The following TAS2R1 variants were observed in gnomAD, a reference collection of about 807,000 sequenced individuals.
The protein encoded by TAS2R1 is taste receptor type 2 member 1.
For synonymous variants in TAS2R1, 141 were observed against 134.2 expected (o/e 1.05, Z -0.35); for missense variants, 370 against 353.4 (o/e 1.05, Z -0.38).
the TAS2R1 span, among the ~76,000 whole-genome samples, chr5:9,861,371 AAT>A: frequency 6.6e-6 from 1 of 152,186 alleles, no homozygotes; most frequent in African/African-American, 2.4e-5. Context: ...ATTAGAACAT[AAT>A]ATCACTGACG....
chr5:9,857,346 T>C, the TAS2R1 span, among the ~76,000 whole-genome samples: 1 of 152,228 alleles, frequency 6.6e-6, no homozygotes, highest in Admixed American at 6.5e-5. Flanking sequence ...TTTAAGGTGA[T>C]GGATATCTCA....
chr5:9,820,396 ATTAT>A, the TAS2R1 span, among the ~76,000 whole-genome samples: 1 of 152,338 alleles, frequency 6.6e-6, no homozygotes, highest in Admixed American at 6.5e-5. Context: ...TCATTGTGGA[ATTAT>A]TTATTATAAC....
At chr5:9,639,072 C>T (rs528950687) in intron 2 of TAS2R1, among the ~76,000 whole-genome samples, 1 of 152,210 alleles carries the variant, frequency 6.6e-6, no homozygotes, top group Non-Finnish European at 1.5e-5. Flanking sequence ...GGCAGCAGCT[C>T]CTGTGCTTGC....
chr5:9,718,403 A>G, the TAS2R1 span, among the ~76,000 whole-genome samples: 3 of 152,204 alleles, frequency 2.0e-5, no homozygotes, highest in African/African-American at 4.8e-5. Flanking sequence ...CTACAGAAAA[A>G]TGGGCAAACA....
Position 9,644,462 on chromosome 5 carries a change from C to T in TAS2R1, c.-80-14470G>A, listed in dbSNP as rs1332950816. 2.0e-5 allele frequency among the ~76,000 whole-genome samples: 3 copies of T among 151,962 alleles called. No homozygotes were observed. In the East Asian group the frequency reaches 5.8e-4, roughly 29 times the overall value. ...TCAAGAAATACTCTTGGGTCATTGG[C>T]ATTATCCCCTGGTGAGCAATGGAGC... On this transcript the variant is annotated intron_variant, in intron 2 of 2. Transcript: ENST00000506620.
the TAS2R1 span, among the ~76,000 whole-genome samples, chr5:9,873,292 G>A: frequency 6.6e-6 from 1 of 152,048 alleles, no homozygotes; most frequent in Non-Finnish European, 1.5e-5. Flanking sequence ...GACTGACAGT[G>A]CTAAAAGGCT....
the TAS2R1 span, among the ~76,000 whole-genome samples, chr5:9,855,954 G>T: frequency 6.6e-6 from 1 of 151,742 alleles, no homozygotes; most frequent in Non-Finnish European, 1.5e-5. Context: ...CTTTTACAAT[G>T]TGTTTTCTAG....
chr5:9,902,641 T>C, the TAS2R1 span: 1 of 152,008 alleles, frequency 6.6e-6, no homozygotes, highest in African/African-American at 2.4e-5. Context: ...ATACTAAAAA[T>C]CACAACTTAC....
the TAS2R1 span, among the ~76,000 whole-genome samples, chr5:9,824,664 T>C: frequency 9.9e-5 from 15 of 151,884 alleles, no homozygotes; most frequent in Admixed American, 7.9e-4. Flanking sequence ...CTGGCCAACA[T>C]AGTGAAACCC....
chr5:9,796,737 AAAG>A, the TAS2R1 span, among the ~76,000 whole-genome samples: 154 of 134,112 alleles, frequency 1.1e-3, no homozygotes, highest in Non-Finnish European at 1.3e-3. Flanking sequence ...AAAAAAAAAA[AAAG>A]AAAAGAAAAA....
chr5:9,675,630 T>A lies in TAS2R1; in HGVS notation c.-241-16049A>T, dbSNP rs138616279. On this transcript the variant is annotated intron_variant, in intron 1 of 2. Coordinates refer to the TAS2R1 transcript ENST00000506620. ...TGAGGTTTCACCATGTTGGCCAGGATGGTCTCAATCTCTTGACCTCGTGAT... is the reference window on the plus strand; with the variant it reads ...TGAGGTTTCACCATGTTGGCCAGGAAGGTCTCAATCTCTTGACCTCGTGAT... Among the ~76,000 whole-genome samples, 4 of 152,200 alleles carry A rather than the reference T, an allele frequency of 2.6e-5. No individual in the cohort carries two copies. The East Asian group carries it at 7.7e-4, about 29-fold the overall frequency.
At chr5:9,645,343 G>C (rs1011527477) in intron 2 of TAS2R1, among the ~76,000 whole-genome samples, 43 of 152,212 alleles carry the variant, frequency 2.8e-4, no homozygotes, top group African/African-American at 9.9e-4. Flanking sequence ...CCAAGTTGTG[G>C]ACCACAATCT....
the TAS2R1 span, among the ~76,000 whole-genome samples, chr5:9,762,696 C>A: frequency 6.6e-6 from 1 of 152,208 alleles, no homozygotes; most frequent in Non-Finnish European, 1.5e-5. Flanking sequence ...GGCTTGACAC[C>A]TGCTAGCTAG....
At chr5:9,841,735 G>T in the TAS2R1 span, among the ~76,000 whole-genome samples, 1 of 152,156 alleles carries the variant, frequency 6.6e-6, no homozygotes, top group African/African-American at 2.4e-5. Context: ...CCAAGACTGT[G>T]TTTGTAGTCA....
chr5:9,722,920 A>C, the TAS2R1 span, among the ~76,000 whole-genome samples: 1 of 152,212 alleles, frequency 6.6e-6, no homozygotes, highest in African/African-American at 2.4e-5. Context: ...TTAGGCTGTG[A>C]AATGGTCAGA....
At chr5:9,837,291 T>C in the TAS2R1 span, among the ~76,000 whole-genome samples, 1 of 152,148 alleles carries the variant, frequency 6.6e-6, no homozygotes, top group Non-Finnish European at 1.5e-5. Flanking sequence ...CCAGCTGCTC[T>C]CTGTAGGCTG....
chr5:9,633,074 G>T (rs1026355932), upstream of TAS2R1, among the ~76,000 whole-genome samples: 2 of 151,682 alleles, frequency 1.3e-5, no homozygotes, highest in Non-Finnish European at 2.9e-5. Flanking sequence ...CTTGATCCAT[G>T]TGTTGTAAAA....
intron 1 of TAS2R1, among the ~76,000 whole-genome samples, chr5:9,676,312 A>G (rs1349295499): frequency 6.6e-6 from 1 of 152,204 alleles, no homozygotes; most frequent in Admixed American, 6.6e-5. Flanking sequence ...TATCCAATAC[A>G]ATGCTGAAGA....
the TAS2R1 span, among the ~76,000 whole-genome samples, chr5:9,775,732 C>T: frequency 6.6e-6 from 1 of 151,958 alleles, no homozygotes; most frequent in Non-Finnish European, 1.5e-5. Flanking sequence ...AGAAATTTTG[C>T]CCAGAAGCCA....
Sources: allele counts gnomAD v4.1 joint callset (sites outside exome capture counted in the v4.1 genomes callset), GRCh38; gene constraint gnomAD v4.1.1; transcripts MANE v1.5; gene names NCBI Gene and HGNC (gene_info 2026-07-23, HGNC 2026-07-21).